The following FAM227B variants were observed in gnomAD, a reference collection of about 807,000 sequenced individuals.
FAM227B encodes the protein protein FAM227B.
FAM227B carries 88 observed loss-of-function variants against 73.8 expected under a neutral mutation model. The ratio of observed to expected loss-of-function variants is 1.19; its 90% CI spans 1.00 to 1.42. The LOEUF (loss-of-function observed/expected upper bound fraction) is 1.42. Ranked by LOEUF, FAM227B falls within the 40% of genes most tolerant of loss-of-function variation. The probability of loss-of-function intolerance (pLI) is 0.00; values close to 1 mark genes in which losing one functional copy is unlikely to be tolerated. For missense variants in FAM227B, 632 were observed against 590.9 expected (o/e 1.07, Z -0.72); for synonymous variants, 210 against 190.5 (o/e 1.10, Z -0.84).
intron 3 of FAM227B, among the ~76,000 whole-genome samples, chr15:49,594,352 G>C (rs886120110): frequency 1.2e-4 from 19 of 152,114 alleles, no homozygotes; most frequent in African/African-American, 4.3e-4. Flanking sequence ...AGTTTACAAA[G>C]ACTTTTTTGC....
At chr15:49,434,219 G>C (rs1567267966) in intron 11 of FAM227B, among the ~76,000 whole-genome samples, 1 of 151,590 alleles carries the variant, frequency 6.6e-6, no homozygotes, top group African/African-American at 2.4e-5. Flanking sequence ...TCACTTGTAG[G>C]TGTTACATAG....
intron 11 of FAM227B, among the ~76,000 whole-genome samples, chr15:49,501,303 T>C (rs2058111450): frequency 6.6e-6 from 1 of 152,200 alleles, no homozygotes; most frequent in Non-Finnish European, 1.5e-5. Context: ...AAAATGCTGA[T>C]ACTGATATGG....
chr15:49,334,301 T>C (rs1176685732), intron 14 of FAM227B: 3 of 943,308 alleles, frequency 3.2e-6, no homozygotes, highest in Non-Finnish European at 3.8e-6. Context: ...CCCTATAAAG[T>C]TAAAGTTTGA....
At chr15:49,546,744 T>C (rs894589782) in intron 9 of FAM227B, among the ~76,000 whole-genome samples, 2 of 74,786 alleles carry the variant, frequency 2.7e-5, no homozygotes, top group Admixed American at 1.7e-4. Context: ...GGAAAAAGAA[T>C]AAAAAGAAAT....
chr15:49,385,621 T>C (rs1217704268), intron 11 of FAM227B, among the ~76,000 whole-genome samples: 1 of 145,424 alleles, frequency 6.9e-6, no homozygotes, highest in South Asian at 2.2e-4. Context: ...AACTAGGTAA[T>C]AACATGATGA....
At chr15:49,413,120 T>C (rs2048978802) in intron 11 of FAM227B, among the ~76,000 whole-genome samples, 1 of 152,178 alleles carries the variant, frequency 6.6e-6, no homozygotes, top group African/African-American at 2.4e-5. Context: ...GTCTCTGATA[T>C]GGTTTGGCTC....
At chr15:49,356,321 G>A (rs2043161781) in intron 13 of FAM227B, among the ~76,000 whole-genome samples, 1 of 150,776 alleles carries the variant, frequency 6.6e-6, no homozygotes, top group South Asian at 2.1e-4. Flanking sequence ...CCATCAGTGT[G>A]CTGTATTCAG....
intron 11 of FAM227B, among the ~76,000 whole-genome samples, chr15:49,375,826 T>A (rs1245897558): frequency 6.6e-6 from 1 of 152,146 alleles, no homozygotes; most frequent in Non-Finnish European, 1.5e-5. Flanking sequence ...ACTAATTTAA[T>A]TGTATGTGGA....
intron 11 of FAM227B, among the ~76,000 whole-genome samples, chr15:49,419,774 TA>T (rs779034978): frequency 1.1e-3 from 167 of 149,926 alleles, no homozygotes; most frequent in Middle Eastern, 6.9e-3. Flanking sequence ...TTATTATTAT[TA>T]TTTTTTTATT....
chr15:49,591,589 G>T (rs985690994), intron 3 of FAM227B, among the ~76,000 whole-genome samples: 9 of 140,980 alleles, frequency 6.4e-5, no homozygotes, highest in African/African-American at 2.4e-4. Flanking sequence ...AGGTTCAAGC[G>T]ATTCTCCTGC....
intron 13 of FAM227B, among the ~76,000 whole-genome samples, chr15:49,351,957 C>A (rs1371702334): frequency 6.6e-6 from 1 of 152,156 alleles, no homozygotes; most frequent in African/African-American, 2.4e-5. Context: ...ATTATTACCT[C>A]TGTAGTTCTA....
intron 11 of FAM227B, chr15:49,425,393 A>G (rs1288553921): frequency 1.3e-5 from 2 of 152,042 alleles, no homozygotes; most frequent in Admixed American, 1.3e-4. Flanking sequence ...AATGGTTATG[A>G]TGAATAACCA....
chr15:49,424,528 G>A, intron 11 of FAM227B: 1 of 1,608,940 alleles, frequency 6.2e-7, no homozygotes, highest in Non-Finnish European at 8.5e-7. Flanking sequence ...AGTGGTACCT[G>A]AGGATCGATA....
intron 11 of FAM227B, chr15:49,484,929 A>G (rs1057638): frequency 0.32 from 49,490 of 152,694 alleles, 8,741 homozygotes; most frequent in African/African-American, 0.45. Context: ...TCAGACCTAC[A>G]GGCTTCTGGC....
intron 11 of FAM227B, chr15:49,396,479 C>G (rs766564795): frequency 0.012 from 2,115 of 183,738 alleles, 53 homozygotes; most frequent in South Asian, 0.076. Flanking sequence ...GAAGCTCGAA[C>G]TGGGTGGAGC....
intron 11 of FAM227B, among the ~76,000 whole-genome samples, chr15:49,399,391 T>C (rs1369572286): frequency 1.3e-5 from 2 of 150,200 alleles, no homozygotes; most frequent in African/African-American, 2.5e-5. Context: ...CAGGACCAGA[T>C]GGATTCACAG....
At chr15:49,472,173 G>A (rs1180246862) in intron 11 of FAM227B, among the ~76,000 whole-genome samples, 3 of 152,192 alleles carry the variant, frequency 2.0e-5, no homozygotes, top group African/African-American at 7.2e-5. Context: ...TTGAAGTAAA[G>A]TGAAATTGGG....
chr15:49,460,631 A>G (rs1050414653), intron 11 of FAM227B, among the ~76,000 whole-genome samples: 13 of 152,220 alleles, frequency 8.5e-5, no homozygotes, highest in African/African-American at 3.1e-4. Flanking sequence ...CAGAAAACAA[A>G]TATTTTAACC....
At chr15:49,330,177 C>T (rs2151132902) in intron 15 of FAM227B, 1 of 152,320 alleles carries the variant, frequency 6.6e-6, no homozygotes, top group Middle Eastern at 3.4e-3. Flanking sequence ...ATGAGCAAAG[C>T]CTATGGGTAT....
Sources: gnomAD v4.1 joint callset for allele counts (sites outside exome capture counted in the v4.1 genomes callset) on GRCh38, gnomAD v4.1.1 for gene constraint, MANE v1.5 for transcripts, NCBI Gene and HGNC (gene_info 2026-07-23, HGNC 2026-07-21) for gene names.